Variants in PLEKHA5 observed in about 807,000 individuals in gnomAD.
PLEKHA5 encodes the protein pleckstrin homology domain containing A5.
PLEKHA5 carries 55 observed loss-of-function variants against 181.9 expected under a neutral mutation model. The ratio of observed to expected loss-of-function variants is 0.30; its 90% CI spans 0.24 to 0.38. The LOEUF (loss-of-function observed/expected upper bound fraction) is 0.38. PLEKHA5 is among the 10% of genes least tolerant of loss of function. PLEKHA5 has a pLI of 1.00. For missense variants in PLEKHA5, 1,432 were observed against 1,549.5 expected (o/e 0.92, Z 1.27); for synonymous variants, 535 against 529.4 (o/e 1.01, Z -0.15).
Position 19,283,676 on chromosome 12 carries a change from G to A in PLEKHA5, c.1710G>A (p.Ser570=), listed in dbSNP as rs754647393. The part of the protein sequence containing the change: ...QGYSPQRTYR[S]EVSSPIQRGD... ...ACTCCCCTCAACGAACTTACAGATCGGAAGTGTCTTCACCAATTCAGAGAG... is the reference window on the plus strand; with the variant it reads ...ACTCCCCTCAACGAACTTACAGATCAGAAGTGTCTTCACCAATTCAGAGAG... Residue 570 remains serine (S), a synonymous_variant, in exon 12 of 32, where the codon TCG becomes TCA. Coordinates refer to ENST00000429027, the MANE Select transcript of PLEKHA5 (RefSeq NM_001256470.2). 3.7e-6 allele frequency: 6 copies of A among 1,613,960 alleles called. No individual in the cohort carries two copies. The highest frequency in any genetic ancestry group is 2.7e-5 in the African/African-American group (2 of 74,898).
At chr12:19,200,505 T>G in intron 3 of PLEKHA5, 1 of 1,365,626 alleles carries the variant, frequency 7.3e-7, no homozygotes, top group Non-Finnish European at 9.4e-7. Context: ...TAACAAATGT[T>G]CCAAATCTTT....
chr12:19,186,542 A>G (rs762003380), intron 3 of PLEKHA5, among the ~76,000 whole-genome samples: 30 of 152,220 alleles, frequency 2.0e-4, no homozygotes, highest in Non-Finnish European at 4.1e-4. Context: ...ACTTTCTTCT[A>G]TAGAATAATG....
At chr12:19,138,262 G>A (rs1409477436) in intron 3 of PLEKHA5, among the ~76,000 whole-genome samples, 1 of 152,062 alleles carries the variant, frequency 6.6e-6, no homozygotes, top group African/African-American at 2.4e-5. Context: ...ATGTGTATGT[G>A]TAAGTTAGAG....
chr12:19,375,169 C>T (rs1009815224), intron 31 of PLEKHA5, among the ~76,000 whole-genome samples: 1 of 151,522 alleles, frequency 6.6e-6, no homozygotes, highest in South Asian at 2.1e-4. Flanking sequence ...ACTAAAAATA[C>T]AAAAATTAGC....
chr12:19,132,904 ATC>A (rs2034410714), intron 3 of PLEKHA5, among the ~76,000 whole-genome samples: 1 of 144,982 alleles, frequency 6.9e-6, no homozygotes, highest in African/African-American at 2.5e-5. Context: ...ACAAAAAAAA[ATC>A]TGAGTTACGT....
At chr12:19,228,264 T>G (rs1284055793) in intron 3 of PLEKHA5, among the ~76,000 whole-genome samples, 3 of 152,188 alleles carry the variant, frequency 2.0e-5, no homozygotes, top group African/African-American at 7.2e-5. Flanking sequence ...ACTCACAACC[T>G]TTCAGTCCTG....
intron 20 of PLEKHA5, among the ~76,000 whole-genome samples, chr12:19,325,656 C>A (rs1349664612): frequency 6.8e-6 from 1 of 147,346 alleles, no homozygotes; most frequent in Non-Finnish European, 1.5e-5. Context: ...CCATTGCACT[C>A]CAGCCTGGGC....
chr12:19,231,822 A>G (rs906624245), intron 3 of PLEKHA5, among the ~76,000 whole-genome samples: 6 of 151,990 alleles, frequency 3.9e-5, no homozygotes, highest in Admixed American at 6.6e-5. Flanking sequence ...TGTTGCATAT[A>G]TACTCTGACT....
intron 3 of PLEKHA5, among the ~76,000 whole-genome samples, chr12:19,157,741 G>A (rs1298391265): frequency 6.6e-6 from 1 of 152,128 alleles, no homozygotes; most frequent in Non-Finnish European, 1.5e-5. Context: ...TACAGGGCTG[G>A]CAGAGCTGGG....
chr12:19,310,007 T>C (rs907029342), intron 15 of PLEKHA5, among the ~76,000 whole-genome samples: 2 of 152,134 alleles, frequency 1.3e-5, no homozygotes, highest in African/African-American at 4.8e-5. Flanking sequence ...GAAAAGAAAA[T>C]TGTGTAATGC....
At chr12:19,153,677 AT>A (rs1021308081) in intron 3 of PLEKHA5, 1 of 152,188 alleles carries the variant, frequency 6.6e-6, no homozygotes, top group Non-Finnish European at 1.5e-5. Context: ...GTTTTGACAA[AT>A]GTAAATGACA....
chr12:19,192,302 T>C (rs1671971997), intron 3 of PLEKHA5, among the ~76,000 whole-genome samples: 1 of 152,092 alleles, frequency 6.6e-6, no homozygotes, highest in South Asian at 2.1e-4. Context: ...AAAATGAGAT[T>C]CATGAGGAAA....
At chr12:19,280,792 C>T (rs957948567) in intron 11 of PLEKHA5, among the ~76,000 whole-genome samples, 3 of 151,200 alleles carry the variant, frequency 2.0e-5, no homozygotes, top group Non-Finnish European at 4.4e-5. Context: ...CTCACTGCAA[C>T]CTCCACCTCC....
intron 15 of PLEKHA5, among the ~76,000 whole-genome samples, chr12:19,303,111 G>A (rs1424059716): frequency 2.6e-5 from 4 of 151,294 alleles, no homozygotes; most frequent in South Asian, 2.1e-4. Flanking sequence ...TAGTAGAGAC[G>A]GGGTTTCACC....
chr12:19,361,169 G>C (rs1217725894), intron 28 of PLEKHA5, among the ~76,000 whole-genome samples: 1 of 151,996 alleles, frequency 6.6e-6, no homozygotes, highest in African/African-American at 2.4e-5. Context: ...GAGTGTGATT[G>C]TTTATTTATT....
At chr12:19,269,155 AG>A (rs1164059224) in intron 8 of PLEKHA5, among the ~76,000 whole-genome samples, 1 of 152,162 alleles carries the variant, frequency 6.6e-6, no homozygotes, top group East Asian at 1.9e-4. Context: ...TGGGAGGCTG[AG>A]GCAGGCAGAT....
chr12:19,333,310 T>C (rs1039656736), intron 20 of PLEKHA5, among the ~76,000 whole-genome samples: 1 of 151,052 alleles, frequency 6.6e-6, no homozygotes, highest in African/African-American at 2.4e-5. Context: ...CAGCCGCGGG[T>C]GGCTCATGGG....
intron 15 of PLEKHA5, among the ~76,000 whole-genome samples, chr12:19,298,192 C>T (rs1422574577): frequency 6.6e-6 from 1 of 151,590 alleles, no homozygotes; most frequent in East Asian, 1.9e-4. Flanking sequence ...GAGGGAGACA[C>T]CATCTCCAAA....
At position 19,265,339 on chromosome 12, in the gene PLEKHA5, G is replaced by A. The variant is rs151278363; in HGVS notation, c.611-411G>A. Among the ~76,000 whole-genome samples the A allele has an allele frequency of 3.4e-3, 520 of 152,242 alleles. 1 individual carries two copies. Among genetic ancestry groups the A allele is most frequent in the African/African-American group, 0.012 (491 of 41,550 alleles). ...ATTCTCGAAGGAGAACAGAGAAAAC[G>A]TTAAATAAATAACATTTTAAAATAC... On this transcript the variant is annotated intron_variant, in intron 7 of 31. Transcript: ENST00000429027.
Sources: gnomAD v4.1 joint callset for allele counts (sites outside exome capture counted in the v4.1 genomes callset) on GRCh38, gnomAD v4.1.1 for gene constraint, MANE v1.5 for transcripts, NCBI Gene and HGNC (gene_info 2026-07-23, HGNC 2026-07-21) for gene names.